The following FAM78B variants were observed in gnomAD, a reference collection of about 807,000 sequenced individuals.
FAM78B encodes family with sequence similarity 78 member B.
FAM78B carries 10 observed loss-of-function variants against 20.0 expected under a neutral mutation model. That is an observed-to-expected ratio of 0.50 (90% CI 0.31 to 0.85). The LOEUF (loss-of-function observed/expected upper bound fraction) is 0.85. Among genes scored for constraint, FAM78B ranks in the 40% least tolerant of loss-of-function variants. The probability of loss-of-function intolerance (pLI) is 0.05; values close to 1 mark genes in which losing one functional copy is unlikely to be tolerated. For synonymous variants in FAM78B, 135 were observed against 132.8 expected (o/e 1.02, Z -0.12); for missense variants, 283 against 345.0 (o/e 0.82, Z 1.42).
At chr1:166,087,882 A>T (rs1183419090) in intron 1 of FAM78B, among the ~76,000 whole-genome samples, 1 of 152,232 alleles carries the variant, frequency 6.6e-6, no homozygotes, top group Non-Finnish European at 1.5e-5. Flanking sequence ...TAGCAGGCAT[A>T]AGCCGTAAGT....
downstream of FAM78B, among the ~76,000 whole-genome samples, chr1:166,069,089 C>G (rs564675847): frequency 1.8e-4 from 27 of 152,106 alleles, no homozygotes; most frequent in Non-Finnish European, 2.8e-4. Context: ...CAAGTTTGAG[C>G]TTCTGTGAAA....
chr1:166,132,075 T>C (rs753872954), intron 1 of FAM78B, among the ~76,000 whole-genome samples: 13 of 152,210 alleles, frequency 8.5e-5, no homozygotes, highest in Non-Finnish European at 1.5e-4. Context: ...TAAAAACTTG[T>C]CAGCAGATAC....
chr1:166,120,183 C>A (rs1175277853), intron 1 of FAM78B, among the ~76,000 whole-genome samples: 1 of 152,172 alleles, frequency 6.6e-6, no homozygotes, highest in African/African-American at 2.4e-5. Context: ...TTTACATATG[C>A]CATTTCTTTA....
intron 2 of FAM78B, among the ~76,000 whole-genome samples, chr1:166,063,371 G>T (rs1482901503): frequency 6.6e-6 from 1 of 152,160 alleles, no homozygotes. Flanking sequence ...GGGACTAGGG[G>T]AGGCAAGCCA....
At chr1:166,126,430 T>C (rs1654644898) in intron 1 of FAM78B, among the ~76,000 whole-genome samples, 1 of 152,036 alleles carries the variant, frequency 6.6e-6, no homozygotes, top group Non-Finnish European at 1.5e-5. Context: ...GGAGAAATAG[T>C]ATGGATGAAA....
downstream of FAM78B, among the ~76,000 whole-genome samples, chr1:166,056,097 G>A (rs1651333980): frequency 6.6e-6 from 1 of 152,212 alleles, no homozygotes; most frequent in Non-Finnish European, 1.5e-5. Context: ...GCCACCTGGT[G>A]AGGGTAGAGG....
chr1:166,161,251 A>G (rs1438202530), intron 1 of FAM78B, among the ~76,000 whole-genome samples: 2 of 152,070 alleles, frequency 1.3e-5, no homozygotes, highest in Non-Finnish European at 2.9e-5. Context: ...GGCTCAAGCA[A>G]TTCTCGTGCC....
intron 1 of FAM78B, among the ~76,000 whole-genome samples, chr1:166,132,375 T>C (rs1281813788): frequency 6.6e-6 from 1 of 152,220 alleles, no homozygotes; most frequent in African/African-American, 2.4e-5. Context: ...GGTGTGATCC[T>C]GGGAAAGTCA....
At chr1:166,116,174 A>G (rs1297854351) in intron 1 of FAM78B, among the ~76,000 whole-genome samples, 1 of 152,056 alleles carries the variant, frequency 6.6e-6, no homozygotes, top group East Asian at 1.9e-4. Flanking sequence ...GCTGCTGGAG[A>G]CAACATCCCT....
intron 1 of FAM78B, among the ~76,000 whole-genome samples, chr1:166,090,303 C>G (rs1406763930): frequency 2.6e-5 from 4 of 152,144 alleles, no homozygotes; most frequent in Non-Finnish European, 5.9e-5. Context: ...ACAACATTTT[C>G]TAAGCCTGGT....
chr1:166,109,851 T>TAC, intron 1 of FAM78B, among the ~76,000 whole-genome samples: 1 of 29,910 alleles, frequency 3.3e-5, no homozygotes, highest in South Asian at 1.6e-3. Flanking sequence ...TATATATATA[T>TAC]ATATATATAT....
At chr1:166,152,659 T>TTG (rs576807307) in intron 1 of FAM78B, among the ~76,000 whole-genome samples, 170 of 114,812 alleles carry the variant, frequency 1.5e-3, no homozygotes, top group African/African-American at 8.0e-3. Context: ...ACTCTGGATT[T>TTG]ATTTATTTAT....
chr1:166,126,305 T>C (rs749879077), intron 1 of FAM78B, among the ~76,000 whole-genome samples: 26 of 152,200 alleles, frequency 1.7e-4, no homozygotes, highest in Admixed American at 9.8e-4. Context: ...AGGATCTATA[T>C]TGGACACTTG....
At chr1:166,123,466 A>G (rs1398500750) in intron 1 of FAM78B, among the ~76,000 whole-genome samples, 1 of 152,206 alleles carries the variant, frequency 6.6e-6, no homozygotes, top group Admixed American at 6.5e-5. Context: ...CTCGTCTCCA[A>G]CCTAATTTAT....
chr1:166,156,064 T>G (rs1207511741), intron 1 of FAM78B, among the ~76,000 whole-genome samples: 1 of 152,170 alleles, frequency 6.6e-6, no homozygotes, highest in African/African-American at 2.4e-5. Flanking sequence ...GCCAGGCCTC[T>G]AACAGCCTCT....
chr1:166,068,141 T>A (rs568064181), downstream of FAM78B, among the ~76,000 whole-genome samples: 3 of 152,330 alleles, frequency 2.0e-5, no homozygotes, highest in East Asian at 3.9e-4. Context: ...TGGGGCCACA[T>A]GGATTAGATT....
chr1:166,088,959 G>A (rs1294056187), intron 1 of FAM78B, among the ~76,000 whole-genome samples: 1 of 152,086 alleles, frequency 6.6e-6, no homozygotes, highest in Non-Finnish European at 1.5e-5. Context: ...ACTCCCCCAT[G>A]CTCTCAGTGT....
At chr1:166,164,917 G>C (rs183217132) in intron 1 of FAM78B, 3 of 152,262 alleles carry the variant, frequency 2.0e-5, no homozygotes, top group Non-Finnish European at 4.4e-5. Context: ...GCAGGTAGAA[G>C]GCAGGCCCTA....
chr1:166,086,073 C>CTTT (rs77694495), intron 1 of FAM78B, among the ~76,000 whole-genome samples: 4 of 132,932 alleles, frequency 3.0e-5, no homozygotes, highest in Admixed American at 7.7e-5. Context: ...CTATGTTACT[C>CTTT]TTTTTTTTTT....
Sources: gnomAD v4.1 joint callset for allele counts (sites outside exome capture counted in the v4.1 genomes callset) on GRCh38, gnomAD v4.1.1 for gene constraint, MANE v1.5 for transcripts, NCBI Gene and HGNC (gene_info 2026-07-23, HGNC 2026-07-21) for gene names.